Variants in AP3B1 observed in about 807,000 individuals in gnomAD.
AP3B1 encodes adaptor related protein complex 3 subunit beta 1, also known as AP-3 complex subunit beta-1.
In AP3B1, 61 loss-of-function variants were observed where a neutral mutation model predicts 132.5. The observed-to-expected ratio is 0.46, with a 90% CI of 0.37 to 0.57. AP3B1 has a LOEUF of 0.57. AP3B1 is among the 20% of genes least tolerant of loss of function. The pLI, the probability that AP3B1 is intolerant of heterozygous loss-of-function variation, is 0.00. For synonymous variants in AP3B1, 388 were observed against 438.3 expected, an observed-to-expected ratio of 0.89 and a Z score of 1.43; for missense variants, 1,120 against 1,289.4, an observed-to-expected ratio of 0.87 and a Z score of 2.01.
At chr5:78,293,654 T>C (rs1749628220) in intron 1 of AP3B1, among the ~76,000 whole-genome samples, 1 of 152,126 alleles carries the variant, frequency 6.6e-6, no homozygotes, top group African/African-American at 2.4e-5. Context: ...AATGAAAGAT[T>C]TAAAATAAGA....
At chr5:78,139,950 G>GA (rs374966659) in intron 15 of AP3B1, among the ~76,000 whole-genome samples, 3 of 151,670 alleles carry the variant, frequency 2.0e-5, no homozygotes, top group South Asian at 2.1e-4. Context: ...GGGAGGTGGA[G>GA]AAAAAAAATC....
At chr5:78,096,870 C>T (rs556186547) in intron 21 of AP3B1, among the ~76,000 whole-genome samples, 2,294 of 150,106 alleles carry the variant, frequency 0.015, 54 homozygotes, top group African/African-American at 0.052. Flanking sequence ...CCAGCCGCCC[C>T]GTCCGGGAGG....
At chr5:78,020,085 C>T (rs574609919) in intron 25 of AP3B1, among the ~76,000 whole-genome samples, 2 of 152,202 alleles carry the variant, frequency 1.3e-5, no homozygotes, top group Admixed American at 1.3e-4. Context: ...TCTGGGCCAA[C>T]TACAGATATT....
At chr5:78,039,672 G>A (rs1339645545) in intron 22 of AP3B1, among the ~76,000 whole-genome samples, 1 of 151,744 alleles carries the variant, frequency 6.6e-6, no homozygotes, top group Non-Finnish European at 1.5e-5. Context: ...CAGCTACTTG[G>A]GAGGCTGAGG....
Position 78,128,100 on chromosome 5 carries a change from T to C in AP3B1, c.1898A>G (p.Tyr633Cys). 1 of 1,613,166 alleles carries C rather than the reference T, an allele frequency of 6.2e-7. No individual in the cohort carries two copies. Among genetic ancestry groups the C allele is most frequent in the Non-Finnish European group, 8.5e-7 (1 of 1,179,222 alleles). Residue 633 changes from tyrosine to cysteine, a missense_variant, in exon 17 of 27, where the codon TAC becomes TGC. By Grantham distance (194) the Tyr-to-Cys change is radical. Around this residue, in one of 3 missense-constraint regions of AP3B1, gnomAD observed 906 missense variants for 997.1 expected, o/e 0.91. Transcript: ENST00000255194. ...CTCTGGCCAATTAGATAATTCCAGG[T>C]ACCCAGTAGCTTTAATGTTGAGAGT... is the stretch of plus-strand genomic sequence containing the variant. ...SHTLNIKATG[Y>C]LELSNWPEVA...
At chr5:78,291,510 C>G (rs1358171046) in intron 1 of AP3B1, among the ~76,000 whole-genome samples, 1 of 151,138 alleles carries the variant, frequency 6.6e-6, no homozygotes, top group Non-Finnish European at 1.5e-5. Flanking sequence ...GATGGACAAC[C>G]TATGCCTCCA....
intron 6 of AP3B1, among the ~76,000 whole-genome samples, chr5:78,218,989 CAG>C (rs1218901900): frequency 6.6e-6 from 1 of 152,076 alleles, no homozygotes. Flanking sequence ...TGTACAAACT[CAG>C]GGGTGTGTTT....
chr5:78,117,169 C>A (rs558442885), intron 17 of AP3B1, among the ~76,000 whole-genome samples: 1 of 144,500 alleles, frequency 6.9e-6, no homozygotes, highest in African/African-American at 2.6e-5. Flanking sequence ...CATTCCCCAC[C>A]ACCTTTTTTT....
intron 2 of AP3B1, among the ~76,000 whole-genome samples, chr5:78,261,847 G>T (rs1195354011): frequency 1.3e-5 from 2 of 151,128 alleles, no homozygotes; most frequent in African/African-American, 2.4e-5. Context: ...TGCCTCCTGG[G>T]TTCAAGCAAT....
chr5:78,135,717 A>G (rs1216508065), intron 15 of AP3B1, among the ~76,000 whole-genome samples: 6 of 152,182 alleles, frequency 3.9e-5, no homozygotes, highest in Non-Finnish European at 7.4e-5. Context: ...TTATCACTAC[A>G]TTTAAAAGAT....
At chr5:78,189,826 C>T (rs934228051) in intron 7 of AP3B1, among the ~76,000 whole-genome samples, 3 of 150,570 alleles carry the variant, frequency 2.0e-5, no homozygotes, top group Admixed American at 6.7e-5. Flanking sequence ...GCCAAGATCA[C>T]GCCACTGCAC....
chr5:78,213,871 T>C (rs1180982729), intron 7 of AP3B1, among the ~76,000 whole-genome samples: 3 of 152,246 alleles, frequency 2.0e-5, no homozygotes, highest in Non-Finnish European at 4.4e-5. Flanking sequence ...TTTCTTTCTA[T>C]CTGTCTTTTA....
At chr5:78,087,388 G>A in intron 22 of AP3B1, 1 of 293,268 alleles carries the variant, frequency 3.4e-6, no homozygotes, top group Non-Finnish European at 5.1e-6. Flanking sequence ...CTGTTCTGAG[G>A]GCTGGATGTG....
At chr5:78,258,933 C>T (rs1335495088) in intron 2 of AP3B1, among the ~76,000 whole-genome samples, 1 of 152,108 alleles carries the variant, frequency 6.6e-6, no homozygotes, top group Non-Finnish European at 1.5e-5. Context: ...TGAAATAAAC[C>T]AGGCACAGAA....
intron 13 of AP3B1, among the ~76,000 whole-genome samples, chr5:78,160,704 TC>T: frequency 6.6e-6 from 1 of 152,120 alleles, no homozygotes; most frequent in African/African-American, 2.4e-5. Flanking sequence ...GAGTCTTCAT[TC>T]ACAGTATTTA....
chr5:78,189,176 G>C (rs939149526), intron 7 of AP3B1, among the ~76,000 whole-genome samples: 2 of 151,914 alleles, frequency 1.3e-5, no homozygotes, highest in African/African-American at 4.8e-5. Context: ...CATGGCACAC[G>C]TTTACCTATG....
intron 2 of AP3B1, among the ~76,000 whole-genome samples, chr5:78,256,697 A>T (rs913120231): frequency 6.6e-6 from 1 of 152,132 alleles, no homozygotes; most frequent in African/African-American, 2.4e-5. Flanking sequence ...TACCAAAACC[A>T]GACAAAGACA....
At chr5:78,281,304 C>G (rs1288710408) in intron 1 of AP3B1, among the ~76,000 whole-genome samples, 1 of 151,840 alleles carries the variant, frequency 6.6e-6, no homozygotes, top group Non-Finnish European at 1.5e-5. Flanking sequence ...CATGGTGGTG[C>G]ATACCTGTAA....
At chr5:78,267,696 A>C (rs547993388) in intron 1 of AP3B1, 101 bp from the exon 2 acceptor site, 1 of 720,664 alleles carries the variant, frequency 1.4e-6, no homozygotes, top group South Asian at 1.9e-5. Flanking sequence ...ATCATGGGCA[A>C]TGTTAAATAA....
Sources: allele counts gnomAD v4.1 joint callset (sites outside exome capture counted in the v4.1 genomes callset), GRCh38; gene constraint gnomAD v4.1.1; regional missense constraint gnomAD v4.1.1; transcripts MANE v1.5; gene names NCBI Gene and HGNC (gene_info 2026-07-23, HGNC 2026-07-21).